The following PFKM variants were observed in gnomAD, a reference collection of about 807,000 sequenced individuals.
PFKM encodes phosphofructokinase, muscle.
Under a neutral mutation model 95.5 loss-of-function variants are expected in PFKM, and 58 were observed. The ratio of observed to expected loss-of-function variants is 0.61; its 90% CI spans 0.49 to 0.76. The LOEUF (loss-of-function observed/expected upper bound fraction) is 0.76, where lower values mean the gene tolerates loss of function less well. Among genes scored for constraint, PFKM ranks in the 30% least tolerant of loss-of-function variants. The probability of loss-of-function intolerance (pLI) is 0.00; values close to 1 mark genes in which losing one functional copy is unlikely to be tolerated. For synonymous variants in PFKM, 336 were observed against 357.2 expected (o/e 0.94, Z 0.67); for missense variants, 678 against 1,005.4 (o/e 0.67, Z 4.40).
chr12:48,122,939 T>G (rs1592660165), intron 2 of PFKM, 80 bp downstream of exon 2: 7 of 1,385,622 alleles, frequency 5.1e-6, no homozygotes, highest in South Asian at 3.5e-5. Flanking sequence ...AATAGAATTA[T>G]TCTTCTGTAG....
intron 2 of PFKM, chr12:48,125,352 T>G (rs903808288): frequency 2.2e-6 from 1 of 449,890 alleles, no homozygotes; most frequent in Admixed American, 2.4e-5. Flanking sequence ...CCAGGTGCAG[T>G]GGCTCACACC....
intron 3 of PFKM, among the ~76,000 whole-genome samples, chr12:48,130,913 A>C (rs1949405761): frequency 6.6e-6 from 1 of 151,966 alleles, no homozygotes; most frequent in Non-Finnish European, 1.5e-5. Context: ...CTTGTATCAG[A>C]TTTTATAATC....
At chr12:48,135,146 C>T in intron 9 of PFKM, 108 bp downstream of exon 9, 1 of 1,098,530 alleles carries the variant, frequency 9.1e-7, no homozygotes, top group Non-Finnish European at 1.4e-6. Flanking sequence ...CACATCTCTC[C>T]CTGGTTCCCT....
chr12:48,128,257 T>TTCTC (rs1592696840), intron 2 of PFKM, among the ~76,000 whole-genome samples: 2 of 137,908 alleles, frequency 1.5e-5, no homozygotes, highest in African/African-American at 2.7e-5. Context: ...CGACTGTACT[T>TTCTC]TGTCTCTCTC....
intron 1 of PFKM, among the ~76,000 whole-genome samples, chr12:48,122,237 A>T (rs753195046): frequency 6.6e-6 from 1 of 152,136 alleles, no homozygotes; most frequent in Non-Finnish European, 1.5e-5. Flanking sequence ...TTTCAACTCC[A>T]TATCACCTAA....
intron 3 of PFKM, among the ~76,000 whole-genome samples, chr12:48,112,061 G>A (rs545270399): frequency 2.4e-4 from 36 of 152,258 alleles, no homozygotes; most frequent in Non-Finnish European, 4.3e-4. Context: ...GGATAAAAAG[G>A]CTACAGGGCG....
intron 2 of PFKM, chr12:48,125,434 C>T (rs1347323362): frequency 5.0e-6 from 2 of 401,784 alleles, no homozygotes; most frequent in Non-Finnish European, 9.8e-6. Context: ...CCAGCCTGAC[C>T]AACATGGAGA....
intron 18 of PFKM, 120 bp from the exon 19 acceptor site, chr12:48,143,633 A>G: frequency 1.3e-6 from 1 of 788,050 alleles, no homozygotes; most frequent in Non-Finnish European, 2.3e-6. Context: ...CAGGCCCAGG[A>G]TTGTAAACAA....
exon 1 of PFKM, chr12:48,106,118 A>G (rs1946563269): frequency 1.4e-6 from 1 of 702,550 alleles, no homozygotes. Context: ...CCGCCTTCAC[A>G]GCACCGGAAG....
At chr12:48,114,700 G>A (rs189422228), upstream of PFKM, among the ~76,000 whole-genome samples, 4 of 152,282 alleles carry the variant, frequency 2.6e-5, no homozygotes, top group Admixed American at 2.6e-4. Context: ...TGGGAACACA[G>A]ACTAGGGAGG....
chr12:48,118,602 C>T (rs1947881498), upstream of PFKM: 2 of 1,211,432 alleles, frequency 1.7e-6, no homozygotes, highest in Non-Finnish European at 2.4e-6. Context: ...ATGGATGCAC[C>T]TCTTGCTCTG....
At chr12:48,107,430 G>A in exon 2 of PFKM, 1 of 1,598,308 alleles carries the variant, frequency 6.3e-7, no homozygotes, top group Admixed American at 1.7e-5. Flanking sequence ...AGTCTCGCCA[G>A]TTAGTCAGGA....
chr12:48,143,849 G>A, intron 19 of PFKM, 35 bp downstream of exon 19: 1 of 1,525,800 alleles, frequency 6.6e-7, no homozygotes, highest in South Asian at 1.1e-5. Flanking sequence ...AAATGAAGAA[G>A]AAAAATAAGC....
In PFKM at chr12:48,145,237, C is replaced by G; in HGVS notation, c.2120C>G (p.Ser707Trp). Residue 707 changes from serine (S) to tryptophan (W), a missense_variant, in exon 22 of 23, where the codon TCG (serine) becomes TGG (tryptophan). Ser to Trp is a radical substitution (Grantham distance 177, BLOSUM62 -3). Coordinates refer to ENST00000359794, the MANE Select transcript of PFKM (RefSeq NM_000289.6). This position sits in a 1 kb window ranked among gnomAD's most constrained non-coding sequence, Gnocchi z 4.3. ...CGGATCTTTGCCAATACTCCAGATTCGGGCTGTGTTCTGGGGATGCGTAAG... is the reference window on the plus strand; with the variant it reads ...CGGATCTTTGCCAATACTCCAGATTGGGGCTGTGTTCTGGGGATGCGTAAG... ...NGRIFANTPD[S>W]GCVLGMRKRA... 6.2e-7 allele frequency: 1 copy of G among 1,614,068 alleles called. No homozygotes were observed. Among genetic ancestry groups the G allele is most frequent in the South Asian group, 1.1e-5 (1 of 91,074 alleles).
chr12:48,126,072 C>T (rs940511481), intron 2 of PFKM, among the ~76,000 whole-genome samples: 16 of 152,156 alleles, frequency 1.1e-4, no homozygotes, highest in African/African-American at 2.9e-4. Context: ...CTCCAAACTA[C>T]GTGCTTATGA....
At chr12:48,133,721 G>A (rs1949763477) in intron 6 of PFKM, among the ~76,000 whole-genome samples, 2 of 152,162 alleles carry the variant, frequency 1.3e-5, no homozygotes, top group African/African-American at 4.8e-5. Context: ...GCAGCTCTGA[G>A]GTCTTTCATA....
In PFKM at chr12:48,133,331, G is replaced by C. The variant is rs200483147; in HGVS notation, c.444G>C (p.Glu148Asp). Residue 148 changes from glutamate (E) to aspartate (D), a missense_variant, in exon 6 of 23, where the codon GAG (glutamate) becomes GAC (aspartate). Glu to Asp is a conservative substitution (Grantham distance 45). Transcript: ENST00000359794. ...CATTGTCAGGTAAGATCACAGATGA[G>C]GAGGCTACGAAGTCCAGCTACCTGA... ...DLQKAGKITD[E>D]EATKSSYLNI... The C allele has an allele frequency of 1.9e-6, 3 of 1,614,132 alleles. No homozygotes were observed. The highest frequency in any genetic ancestry group is 2.5e-6 in the Non-Finnish European group (3 of 1,179,998).
In PFKM at chr12:48,145,645, C is replaced by T. The variant is rs2136056054; in HGVS notation, c.2280C>T (p.Asp760=). ...TAGCCAAGTACGAGATTGACTTGGA[C>T]ACTTCAGACCATGCCCACCTGGAGC... ...KILAKYEIDL[D]TSDHAHLEHI... is the part of the protein sequence containing the mutation. Residue 760 remains aspartate (D), a synonymous_variant, in exon 23 of 23, where the codon GAC becomes GAT. Coordinates refer to ENST00000359794, the MANE Select transcript of PFKM (RefSeq NM_000289.6). This position sits in a 1 kb window ranked among gnomAD's most constrained non-coding sequence, Gnocchi z 4.3. 2 of 1,614,132 alleles carry T rather than the reference C, an allele frequency of 1.2e-6. No homozygotes were observed. The highest frequency in any genetic ancestry group is 1.7e-6 in the Non-Finnish European group (2 of 1,179,986).
rs1452337293 is a variant in PFKM at position 48,132,042 on chromosome 12, G to A, written c.237+649G>A. On this transcript the variant is annotated intron_variant, in intron 4 of 22. Coordinates refer to ENST00000359794, the MANE Select transcript of PFKM (RefSeq NM_000289.6). ...AGCTCAGTTCCCTAAAAATCCATGG[G>A]CAAAAATTTAATATGCAGTGTCTAG... is the stretch of plus-strand genomic sequence containing the variant. 7 of 455,816 alleles carry A rather than the reference G, an allele frequency of 1.5e-5. No individual in the cohort carries two copies. The Middle Eastern group carries it at 1.6e-3, about 105-fold the overall frequency. 28.2% of individuals were successfully genotyped at this position (455,816 alleles called of 1,614,324 possible).
Sources: gnomAD v4.1 joint callset for allele counts (sites outside exome capture counted in the v4.1 genomes callset) on GRCh38, gnomAD v4.1.1 for gene constraint, Gnocchi (gnomAD v3.1) non-coding constraint, MANE v1.5 for transcripts, NCBI Gene and HGNC (gene_info 2026-07-23, HGNC 2026-07-21) for gene names.